Variants in CRACDL observed in about 807,000 individuals in gnomAD.
CRACDL encodes CRACD like.
In CRACDL, 26 loss-of-function variants were observed where a neutral mutation model predicts 70.6. The ratio of observed to expected loss-of-function variants is 0.37; its 90% CI spans 0.27 to 0.51. The LOEUF (loss-of-function observed/expected upper bound fraction) is 0.51. Ranked by LOEUF, CRACDL falls within the 20% of genes least tolerant of loss-of-function variation. The pLI is 0.94. For missense variants in CRACDL, 1,283 were observed against 1,376.9 expected (o/e 0.93, Z 1.08); for synonymous variants, 618 against 615.2 (o/e 1.00, Z -0.07).
chr2:98,808,636 T>C (rs542460080), intron 7 of CRACDL, among the ~76,000 whole-genome samples: 15 of 152,246 alleles, frequency 9.9e-5, no homozygotes, highest in Non-Finnish European at 1.9e-4. Context: ...GGGCTGCCCA[T>C]GCTATGGGTC....
intron 1 of CRACDL, among the ~76,000 whole-genome samples, chr2:98,894,057 C>T (rs1558626934): frequency 6.6e-6 from 1 of 152,222 alleles, no homozygotes; most frequent in African/African-American, 2.4e-5. Flanking sequence ...CCAGAGCACA[C>T]TCAGCTACTC....
At chr2:98,843,009 A>C (rs1706098799) in intron 2 of CRACDL, among the ~76,000 whole-genome samples, 1 of 152,028 alleles carries the variant, frequency 6.6e-6, no homozygotes, top group African/African-American at 2.4e-5. Flanking sequence ...ATGTTTTTCC[A>C]AAGTGGCTGT....
At chr2:98,877,700 G>A (rs1468974077) in intron 1 of CRACDL, among the ~76,000 whole-genome samples, 1 of 151,956 alleles carries the variant, frequency 6.6e-6, no homozygotes, top group East Asian at 1.9e-4. Context: ...AGTGAGCTGA[G>A]GTCGCGCCAC....
At chr2:98,895,512 G>T (rs960987620) in intron 1 of CRACDL, among the ~76,000 whole-genome samples, 4 of 152,186 alleles carry the variant, frequency 2.6e-5, no homozygotes, top group East Asian at 3.8e-4. Flanking sequence ...CCGGAGGCAG[G>T]GGGGAACATA....
At chr2:98,875,505 T>C (rs892699775) in intron 1 of CRACDL, among the ~76,000 whole-genome samples, 2 of 150,646 alleles carry the variant, frequency 1.3e-5, no homozygotes, top group East Asian at 3.9e-4. Flanking sequence ...CTGCAATCTC[T>C]GACAGAGGGA....
At chr2:98,797,933 T>C (rs1703899906) in intron 7 of CRACDL, among the ~76,000 whole-genome samples, 1 of 152,228 alleles carries the variant, frequency 6.6e-6, no homozygotes, top group African/African-American at 2.4e-5. Context: ...ACTATTAATC[T>C]CTTGTCTTCT....
intron 1 of CRACDL, among the ~76,000 whole-genome samples, chr2:98,893,475 G>C (rs568643284): frequency 6.6e-6 from 1 of 152,026 alleles, no homozygotes; most frequent in Non-Finnish European, 1.5e-5. Flanking sequence ...TAGTAGAGAC[G>C]GGGTTTCAAC....
At chr2:98,859,821 G>C (rs1706863854) in intron 1 of CRACDL, among the ~76,000 whole-genome samples, 1 of 152,062 alleles carries the variant, frequency 6.6e-6, no homozygotes, top group African/African-American at 2.4e-5. Context: ...AAGCACTTAA[G>C]AGAAAGAATA....
chr2:98,837,239 CT>C (rs1705835217), intron 3 of CRACDL, among the ~76,000 whole-genome samples: 2 of 148,974 alleles, frequency 1.3e-5, no homozygotes, highest in South Asian at 4.2e-4. Context: ...CCAATCTTTC[CT>C]TTCCAGTCAT....
chr2:98,920,502 G>A (rs1708776619), intron 1 of CRACDL, among the ~76,000 whole-genome samples: 1 of 152,114 alleles, frequency 6.6e-6, no homozygotes, highest in African/African-American at 2.4e-5. Context: ...GCACTTTCCT[G>A]CGGGACACAG....
At chr2:98,795,077 A>ATT (rs1181969802) in intron 9 of CRACDL, among the ~76,000 whole-genome samples, 17 of 58,478 alleles carry the variant, frequency 2.9e-4, no homozygotes, top group African/African-American at 8.6e-4. Context: ...ATATATATAT[A>ATT]TTTTTTTTTT....
At chr2:98,876,493 T>C (rs1450579325) in intron 1 of CRACDL, among the ~76,000 whole-genome samples, 2 of 151,966 alleles carry the variant, frequency 1.3e-5, no homozygotes, top group African/African-American at 2.4e-5. Context: ...CTCATAGGAG[T>C]GCGAGCCCTA....
chr2:98,878,511 A>G (rs1447847969), intron 1 of CRACDL, among the ~76,000 whole-genome samples: 2 of 152,250 alleles, frequency 1.3e-5, no homozygotes, highest in African/African-American at 2.4e-5. Flanking sequence ...CATGATGTTC[A>G]CACGATGAAA....
chr2:98,925,875 G>A (rs192503375), intron 1 of CRACDL, among the ~76,000 whole-genome samples: 143 of 151,864 alleles, frequency 9.4e-4, no homozygotes, highest in Non-Finnish European at 1.4e-3. Context: ...ACATGCGCGC[G>A]CACACACATG....
chr2:98,827,237 A>C (rs1250570742), intron 5 of CRACDL, 68 bp from the exon 6 acceptor site: 2 of 1,097,374 alleles, frequency 1.8e-6, no homozygotes, highest in Non-Finnish European at 2.8e-6. Flanking sequence ...CGACCAACGC[A>C]ACAATGCTCT....
At chr2:98,877,012 T>C (rs1463084004) in intron 1 of CRACDL, among the ~76,000 whole-genome samples, 2 of 152,252 alleles carry the variant, frequency 1.3e-5, no homozygotes, top group Admixed American at 6.5e-5. Context: ...GGCACATCCA[T>C]TGCCACGCTC....
intron 2 of CRACDL, among the ~76,000 whole-genome samples, chr2:98,844,149 C>T (rs1179790164): frequency 6.6e-5 from 10 of 152,122 alleles, no homozygotes; most frequent in Non-Finnish European, 1.5e-4. Context: ...GCACTGCAAT[C>T]TCGGTATATT....
chr2:98,815,541 A>T lies in CRACDL; in HGVS notation c.2416+6316T>A, dbSNP rs868103772. On this transcript the variant is annotated intron_variant, in intron 7 of 9. Transcript: ENST00000397899. The stretch of plus-strand genomic sequence containing the variant: ...GTGGCAAGGGAAAGGAGCCTGCAGG[A>T]CCCCCAACCACCATACCTGTTGCTG... Among the ~76,000 whole-genome samples the T allele has an allele frequency of 3.3e-5, 5 of 152,148 alleles. No individual in the cohort carries two copies. In the East Asian group the frequency reaches 5.8e-4, roughly 18 times the overall value.
At chr2:98,807,983 G>T (rs773042718) in intron 7 of CRACDL, among the ~76,000 whole-genome samples, 2 of 152,210 alleles carry the variant, frequency 1.3e-5, no homozygotes, top group Non-Finnish European at 2.9e-5. Context: ...TATAATGATG[G>T]AAATGCCCTC....
Sources: allele counts gnomAD v4.1 joint callset (sites outside exome capture counted in the v4.1 genomes callset), GRCh38; gene constraint gnomAD v4.1.1; transcripts MANE v1.5; gene names NCBI Gene and HGNC (gene_info 2026-07-23, HGNC 2026-07-21).